Variants in SSBP2 observed in about 807,000 individuals in gnomAD.
The protein encoded by SSBP2 is single stranded DNA binding protein 2, also known as single-stranded DNA-binding protein 2.
In SSBP2, 17 loss-of-function variants were observed where a neutral mutation model predicts 61.8. The ratio of observed to expected loss-of-function variants is 0.28; its 90% CI spans 0.19 to 0.41. The LOEUF (loss-of-function observed/expected upper bound fraction) is 0.41, where lower values mean the gene tolerates loss of function less well. Among genes scored for constraint, SSBP2 ranks in the 10% least tolerant of loss-of-function variants. The probability of loss-of-function intolerance (pLI) is 1.00; values close to 1 mark genes in which losing one functional copy is unlikely to be tolerated. For missense variants in SSBP2, 310 were observed against 458.7 expected, an observed-to-expected ratio of 0.68 and a Z score of 2.96; for synonymous variants, 139 against 141.3, an observed-to-expected ratio of 0.98 and a Z score of 0.12.
intron 13 of SSBP2, among the ~76,000 whole-genome samples, chr5:81,441,803 T>C (rs1488354430): frequency 6.6e-6 from 1 of 152,200 alleles, no homozygotes; most frequent in Non-Finnish European, 1.5e-5. Flanking sequence ...GCCTCACTGA[T>C]ATAAGGCATA....
chr5:81,651,337 T>C (rs561147942), intron 1 of SSBP2, among the ~76,000 whole-genome samples: 1 of 152,284 alleles, frequency 6.6e-6, no homozygotes, highest in Non-Finnish European at 1.5e-5. Flanking sequence ...TGATGGCATT[T>C]ACAAAAATGA....
At chr5:81,655,136 C>T (rs921279174) in intron 1 of SSBP2, among the ~76,000 whole-genome samples, 1 of 151,932 alleles carries the variant, frequency 6.6e-6, no homozygotes, top group Non-Finnish European at 1.5e-5. Context: ...ACAATAAAGC[C>T]AGATCTTATG....
chr5:81,548,943 A>C lies in SSBP2; in HGVS notation c.283-35226T>G, dbSNP rs952991825. 8.5e-5 allele frequency among the ~76,000 whole-genome samples: 13 copies of C among 152,236 alleles called. No individual in the cohort carries two copies. In the East Asian group the frequency reaches 2.1e-3, roughly 25 times the overall value. On this transcript the variant is annotated intron_variant, in intron 4 of 16. Transcript: ENST00000320672. ...TCTCAAAAAAAAGTACAATATTAAG[A>C]AGATAGTTTTGTCTTTCATAAACTG...
chr5:81,659,270 G>T (rs1372634660), intron 1 of SSBP2, among the ~76,000 whole-genome samples: 1 of 152,076 alleles, frequency 6.6e-6, no homozygotes, highest in Non-Finnish European at 1.5e-5. Flanking sequence ...GAAAACTCCA[G>T]TGTCTCAGCC....
chr5:81,456,732 T>C (rs1004222992), intron 10 of SSBP2, among the ~76,000 whole-genome samples: 1 of 152,200 alleles, frequency 6.6e-6, no homozygotes, highest in Non-Finnish European at 1.5e-5. Context: ...ATTAAAAATA[T>C]GAGTTTGCCC....
chr5:81,603,908 A>G (rs1245666077), intron 4 of SSBP2, among the ~76,000 whole-genome samples: 1 of 152,178 alleles, frequency 6.6e-6, no homozygotes, highest in Non-Finnish European at 1.5e-5. Flanking sequence ...TAGTGTTTCT[A>G]AACAATTTAC....
intron 3 of SSBP2, among the ~76,000 whole-genome samples, chr5:81,631,272 C>G (rs1423484155): frequency 2.6e-5 from 4 of 152,164 alleles, no homozygotes; most frequent in Non-Finnish European, 4.4e-5. Context: ...ACAACCACAA[C>G]TGACCAAGTG....
chr5:81,440,524 A>C (rs1172304606), intron 14 of SSBP2, 34 bp downstream of exon 14: 2 of 1,576,342 alleles, frequency 1.3e-6, no homozygotes, highest in Non-Finnish European at 1.7e-6. Context: ...TTTTGTTATG[A>C]ATTTATTCTA....
chr5:81,473,805 A>C (rs757304313), intron 7 of SSBP2, 35 bp from the exon 8 acceptor site: 2 of 1,589,008 alleles, frequency 1.3e-6, no homozygotes, highest in Non-Finnish European at 1.7e-6. Context: ...CAAAGTAATG[A>C]GCATGAGTAC....
At chr5:81,661,635 T>C (rs556945761) in intron 1 of SSBP2, among the ~76,000 whole-genome samples, 87 of 152,284 alleles carry the variant, frequency 5.7e-4, no homozygotes, top group Middle Eastern at 3.4e-3. Context: ...TTGTTGGCCA[T>C]TGGTATGTTT....
chr5:81,435,628 AATTAATC>A (rs1231361385), intron 15 of SSBP2, among the ~76,000 whole-genome samples: 1 of 152,230 alleles, frequency 6.6e-6, no homozygotes, highest in Non-Finnish European at 1.5e-5. Context: ...GATGGCATTT[AATTAATC>A]ATTATGACTT....
intron 16 of SSBP2, among the ~76,000 whole-genome samples, chr5:81,426,163 GCAC>G (rs1218870691): frequency 6.6e-6 from 1 of 152,192 alleles, no homozygotes; most frequent in East Asian, 1.9e-4. Context: ...ACATTTGTCA[GCAC>G]CAAATCTCTT....
chr5:81,578,764 C>G (rs1328916171), intron 4 of SSBP2, among the ~76,000 whole-genome samples: 1 of 151,836 alleles, frequency 6.6e-6, no homozygotes, highest in Admixed American at 6.6e-5. Flanking sequence ...CAATTATCAA[C>G]TTTCTATAGA....
At chr5:81,442,975 A>C in intron 12 of SSBP2, 1 of 266,592 alleles carries the variant, frequency 3.8e-6, no homozygotes, top group East Asian at 7.3e-5. Context: ...AATTTAAAAA[A>C]TTATAGTAAA....
At chr5:81,565,138 ATTC>A (rs1214633095) in intron 4 of SSBP2, among the ~76,000 whole-genome samples, 1 of 152,208 alleles carries the variant, frequency 6.6e-6, no homozygotes, top group African/African-American at 2.4e-5. Context: ...AACTTATTAA[ATTC>A]TTCTGCTTCT....
intron 4 of SSBP2, among the ~76,000 whole-genome samples, chr5:81,528,390 G>T (rs987523793): frequency 6.6e-5 from 10 of 151,956 alleles, no homozygotes; most frequent in Non-Finnish European, 1.3e-4. Flanking sequence ...TTCTAAACAG[G>T]CTTGGATAGT....
chr5:81,730,040 A>G (rs1329125129), intron 1 of SSBP2, among the ~76,000 whole-genome samples: 1 of 152,192 alleles, frequency 6.6e-6, no homozygotes, highest in Non-Finnish European at 1.5e-5. Flanking sequence ...ACAGATATAC[A>G]AAGTAAATCT....
At chr5:81,736,993 C>T (rs181417548) in intron 1 of SSBP2, among the ~76,000 whole-genome samples, 4 of 152,128 alleles carry the variant, frequency 2.6e-5, no homozygotes, top group Non-Finnish European at 5.9e-5. Context: ...TAATCTCCTA[C>T]AATTCAGAAA....
At chr5:81,551,732 CAATT>C (rs1210857953) in intron 4 of SSBP2, among the ~76,000 whole-genome samples, 2 of 152,002 alleles carry the variant, frequency 1.3e-5, no homozygotes, top group Non-Finnish European at 2.9e-5. Context: ...GTGCTGAAAA[CAATT>C]AAAATTAAGT....
Sources: gnomAD v4.1 joint callset for allele counts (sites outside exome capture counted in the v4.1 genomes callset) on GRCh38, gnomAD v4.1.1 for gene constraint, MANE v1.5 for transcripts, NCBI Gene and HGNC (gene_info 2026-07-23, HGNC 2026-07-21) for gene names.